The following EVI5 variants were observed in gnomAD, a reference collection of about 807,000 sequenced individuals.
EVI5 encodes the protein ecotropic viral integration site 5, also known as ecotropic viral integration site 5 protein homolog.
In EVI5, 73 loss-of-function variants were observed where a neutral mutation model predicts 112.0. That is an observed-to-expected ratio of 0.65 (90% CI 0.54 to 0.79). The LOEUF (loss-of-function observed/expected upper bound fraction) is 0.79. EVI5 is among the 30% of genes least tolerant of loss of function. The pLI, the probability that EVI5 is intolerant of heterozygous loss-of-function variation, is 0.00. For missense variants in EVI5, 900 were observed against 968.8 expected (o/e 0.93, Z 0.94); for synonymous variants, 305 against 319.9 (o/e 0.95, Z 0.50).
intron 14 of EVI5, among the ~76,000 whole-genome samples, chr1:92,630,740 G>A (rs953152020): frequency 3.9e-5 from 6 of 152,050 alleles, no homozygotes; most frequent in Admixed American, 3.9e-4. Flanking sequence ...TGAAGTCCTT[G>A]CCCACGCCTA....
chr1:92,609,878 T>C (rs1270170979), intron 16 of EVI5, among the ~76,000 whole-genome samples: 1 of 151,780 alleles, frequency 6.6e-6, no homozygotes, highest in Non-Finnish European at 1.5e-5. Flanking sequence ...TCTCTCTTTT[T>C]TGTTTTTTTT....
intron 18 of EVI5, among the ~76,000 whole-genome samples, chr1:92,586,616 G>A (rs1239514749): frequency 1.5e-5 from 2 of 135,314 alleles, no homozygotes; most frequent in Admixed American, 1.6e-4. Context: ...CTGTGTGTGT[G>A]TGTGTGTGTG....
At chr1:92,619,290 T>C (rs952561615) in intron 16 of EVI5, among the ~76,000 whole-genome samples, 6 of 152,096 alleles carry the variant, frequency 3.9e-5, no homozygotes, top group African/African-American at 4.8e-5. Flanking sequence ...GCCCAGCCTA[T>C]ATCTTTCCCC....
At chr1:92,516,359 C>A (rs1659869808) in intron 19 of EVI5, among the ~76,000 whole-genome samples, 1 of 152,132 alleles carries the variant, frequency 6.6e-6, no homozygotes, top group South Asian at 2.1e-4. Flanking sequence ...GCCTCATCAT[C>A]AGATGTAATT....
intron 9 of EVI5, among the ~76,000 whole-genome samples, chr1:92,682,676 C>G (rs1235500790): frequency 6.6e-6 from 1 of 152,080 alleles, no homozygotes; most frequent in Non-Finnish European, 1.5e-5. Context: ...GAGGCTTGAA[C>G]CTTGGAGGAG....
At chr1:92,734,181 G>A (rs906802539) in intron 2 of EVI5, among the ~76,000 whole-genome samples, 1 of 152,126 alleles carries the variant, frequency 6.6e-6, no homozygotes, top group Non-Finnish European at 1.5e-5. Flanking sequence ...AAGAATGTTA[G>A]GCCTAGGATG....
chr1:92,744,870 G>C (rs1679028583), intron 1 of EVI5, among the ~76,000 whole-genome samples: 1 of 152,050 alleles, frequency 6.6e-6, no homozygotes, highest in South Asian at 2.1e-4. Context: ...CAATTCTCAG[G>C]CATTATTATA....
intron 19 of EVI5, among the ~76,000 whole-genome samples, chr1:92,527,240 T>C (rs2391160): frequency 0.85 from 129,237 of 151,710 alleles, 55,420 homozygotes; most frequent in East Asian, 0.97. Flanking sequence ...AGTGGTGAAA[T>C]GCTGTCTTTA....
chr1:92,791,675 C>T (rs377492345), intron 1 of EVI5, among the ~76,000 whole-genome samples: 5 of 151,468 alleles, frequency 3.3e-5, no homozygotes, highest in East Asian at 1.9e-4. Flanking sequence ...GTTTTGATTT[C>T]GTGTGAAATT....
At position 92,728,259 on chromosome 1, in the gene EVI5, A is replaced by G. The variant is rs987662156; in HGVS notation, c.149+8139T>C. The stretch of plus-strand genomic sequence containing the variant: ...TTTAAAAAGAAATAGATAAATCCAC[A>G]ATTATAATTTGAAGTTACTGCTCTT... On this transcript the variant is annotated intron_variant, in intron 2 of 19. Coordinates refer to ENST00000684568, the MANE Select transcript of EVI5 (RefSeq NM_001350197.2). Among the ~76,000 whole-genome samples, 3 of 152,188 alleles carry G rather than the reference A, an allele frequency of 2.0e-5. No individual in the cohort carries two copies. In the South Asian group the frequency reaches 6.2e-4, roughly 31 times the overall value.
At chr1:92,532,249 T>C (rs932963811) in intron 19 of EVI5, among the ~76,000 whole-genome samples, 4 of 152,106 alleles carry the variant, frequency 2.6e-5, no homozygotes, top group Non-Finnish European at 5.9e-5. Flanking sequence ...CCTAAATATA[T>C]ATGCATCCAA....
chr1:92,686,940 A>G (rs1404989287), intron 9 of EVI5, among the ~76,000 whole-genome samples: 1 of 152,236 alleles, frequency 6.6e-6, no homozygotes, highest in African/African-American at 2.4e-5. Flanking sequence ...GGAAGAATCA[A>G]TATCATGAAA....
At chr1:92,604,939 C>T (rs1650027442) in intron 18 of EVI5, among the ~76,000 whole-genome samples, 1 of 152,210 alleles carries the variant, frequency 6.6e-6, no homozygotes, top group South Asian at 2.1e-4. Context: ...TATGAGGTAA[C>T]CAGAGTGGTC....
intron 1 of EVI5, among the ~76,000 whole-genome samples, chr1:92,792,183 A>C (rs1306944845): frequency 6.6e-6 from 1 of 152,242 alleles, no homozygotes; most frequent in Non-Finnish European, 1.5e-5. Flanking sequence ...ATGAGATAAC[A>C]GTCTTAAAAT....
At chr1:92,560,668 C>A (rs1668382822) in intron 19 of EVI5, among the ~76,000 whole-genome samples, 1 of 151,932 alleles carries the variant, frequency 6.6e-6, no homozygotes, top group Non-Finnish European at 1.5e-5. Context: ...TTCAAGTGAT[C>A]CTCCTGCCTC....
intron 1 of EVI5, among the ~76,000 whole-genome samples, chr1:92,752,315 C>T (rs1462576144): frequency 6.6e-6 from 1 of 152,038 alleles, no homozygotes; most frequent in Non-Finnish European, 1.5e-5. Flanking sequence ...CCTGGAATTA[C>T]AGGCACGTGC....
intron 14 of EVI5, among the ~76,000 whole-genome samples, chr1:92,627,845 A>C (rs1330981485): frequency 6.6e-6 from 1 of 151,790 alleles, no homozygotes; most frequent in African/African-American, 2.4e-5. Context: ...GCTGGAGCGC[A>C]ATGGCACAAT....
intron 14 of EVI5, among the ~76,000 whole-genome samples, chr1:92,627,080 T>C (rs1299332021): frequency 2.6e-5 from 4 of 152,220 alleles, no homozygotes; most frequent in African/African-American, 9.6e-5. Flanking sequence ...AGTTCTTTAG[T>C]GGTGATTTGT....
chr1:92,520,389 T>G (rs2101710451), intron 19 of EVI5, among the ~76,000 whole-genome samples: 1 of 151,232 alleles, frequency 6.6e-6, no homozygotes, highest in South Asian at 2.1e-4. Flanking sequence ...GTTATATAAT[T>G]CTAATGATGT....
Sources: allele counts gnomAD v4.1 joint callset (sites outside exome capture counted in the v4.1 genomes callset), GRCh38; gene constraint gnomAD v4.1.1; transcripts MANE v1.5; gene names NCBI Gene and HGNC (gene_info 2026-07-23, HGNC 2026-07-21).